Variants in KAT6B observed in about 807,000 individuals in gnomAD.
KAT6B encodes the protein lysine acetyltransferase 6B.
Under a neutral mutation model 187.5 loss-of-function variants are expected in KAT6B, and 10 were observed. The observed-to-expected ratio is 0.05, with a 90% CI of 0.03 to 0.09. The LOEUF (loss-of-function observed/expected upper bound fraction) is 0.09. Ranked by LOEUF, KAT6B falls within the 10% of genes least tolerant of loss-of-function variation. The probability of loss-of-function intolerance (pLI) is 1.00; values close to 1 mark genes in which losing one functional copy is unlikely to be tolerated. For missense variants in KAT6B, 1,952 were observed against 2,558.9 expected, an observed-to-expected ratio of 0.76 and a Z score of 5.12; for synonymous variants, 861 against 926.8, an observed-to-expected ratio of 0.93 and a Z score of 1.29.
chr10:75,009,241 T>G (rs1021113959), intron 13 of KAT6B, among the ~76,000 whole-genome samples: 1 of 152,230 alleles, frequency 6.6e-6, no homozygotes, highest in African/African-American at 2.4e-5. Context: ...TTACGTAGTT[T>G]GTGGTTCTTG....
chr10:75,030,185 G>A lies in KAT6B; in HGVS notation c.5361G>A (p.Thr1787=), dbSNP rs772935542. 5.0e-6 allele frequency: 8 copies of A among 1,614,186 alleles called. No individual in the cohort carries two copies. The highest frequency in any genetic ancestry group is 1.6e-4 in the Middle Eastern group (1 of 6,062). The change falls in exon 18 of 18, where the codon ACG becomes ACA. Residue 1787 remains threonine, a synonymous_variant. Coordinates refer to ENST00000287239, the MANE Select transcript of KAT6B (RefSeq NM_012330.4). The surrounding 1 kb of genome is among the most constrained non-coding windows in gnomAD (Gnocchi z 4.8). ...TGCAGCTGGCTGAAATCCCCGAGAC[G>A]AGCAACGCCAACATTGGCTTATACG... ...PPMQLAEIPE[T]SNANIGLYER...
At chr10:75,022,821 A>C (rs1389836520) in intron 16 of KAT6B, among the ~76,000 whole-genome samples, 1 of 152,108 alleles carries the variant, frequency 6.6e-6, no homozygotes, top group Non-Finnish European at 1.5e-5. Context: ...AATCCCAGCT[A>C]CTCGGGAGGC....
At chr10:74,851,949 G>C (rs930413272) in intron 3 of KAT6B, among the ~76,000 whole-genome samples, 1 of 152,068 alleles carries the variant, frequency 6.6e-6, no homozygotes, top group Non-Finnish European at 1.5e-5. Context: ...CCCTGCCCTA[G>C]AGCAGACCCT....
chr10:74,982,790 G>A (rs1016701083), intron 11 of KAT6B: 2 of 152,262 alleles, frequency 1.3e-5, no homozygotes, highest in African/African-American at 4.8e-5. Context: ...CTTGAAACAA[G>A]CCTACCTTGT....
intron 3 of KAT6B, among the ~76,000 whole-genome samples, chr10:74,852,698 C>T (rs571202002): frequency 6.6e-6 from 1 of 152,294 alleles, no homozygotes; most frequent in South Asian, 2.1e-4. Context: ...ATGAAATGGG[C>T]TTCAGGTAAA....
intron 13 of KAT6B, among the ~76,000 whole-genome samples, chr10:74,993,056 G>A (rs536400566): frequency 1.8e-4 from 28 of 151,994 alleles, no homozygotes; most frequent in South Asian, 2.1e-4. Flanking sequence ...CTCTCCCTCC[G>A]TCCCCACCAG....
chr10:74,939,822 A>G (rs1316280818), intron 3 of KAT6B, among the ~76,000 whole-genome samples: 1 of 152,234 alleles, frequency 6.6e-6, no homozygotes, highest in Non-Finnish European at 1.5e-5. Context: ...AACCTGTCGC[A>G]ATTTAAAATG....
chr10:74,864,015 T>A (rs999157133), intron 3 of KAT6B, among the ~76,000 whole-genome samples: 1 of 152,198 alleles, frequency 6.6e-6, no homozygotes, highest in Admixed American at 6.5e-5. Context: ...ATGTATTCAG[T>A]GCTTATATTT....
chr10:74,979,726 T>G (rs1419299687), intron 10 of KAT6B, among the ~76,000 whole-genome samples: 2 of 152,206 alleles, frequency 1.3e-5, no homozygotes, highest in Admixed American at 1.3e-4. Flanking sequence ...GGCCTGTTAC[T>G]TTTATCTCTG....
chr10:74,908,613 G>C (rs908426828), intron 3 of KAT6B, among the ~76,000 whole-genome samples: 5 of 151,722 alleles, frequency 3.3e-5, no homozygotes, highest in Non-Finnish European at 7.4e-5. Flanking sequence ...CTAGTTTCAG[G>C]CATTCTGTTA....
chr10:75,023,258 C>T (rs1845574372), intron 16 of KAT6B, among the ~76,000 whole-genome samples: 1 of 152,210 alleles, frequency 6.6e-6, no homozygotes, highest in East Asian at 1.9e-4. Flanking sequence ...CAAGCTAAGG[C>T]TCCGCCCCAA....
chr10:74,880,226 C>A (rs932802708), intron 3 of KAT6B, among the ~76,000 whole-genome samples: 1 of 152,176 alleles, frequency 6.6e-6, no homozygotes, highest in Non-Finnish European at 1.5e-5. Context: ...GCATCACTGC[C>A]CATTTCCTGC....
chr10:74,830,744 A>ATATATATATATATATG (rs1840706054), intron 1 of KAT6B, among the ~76,000 whole-genome samples: 1 of 15,044 alleles, frequency 6.6e-5, no homozygotes, highest in African/African-American at 7.1e-4. Flanking sequence ...ATATATATAT[A>ATATATATATATATATG]TATATATATA....
At chr10:74,863,217 T>A (rs1843314248) in intron 3 of KAT6B, among the ~76,000 whole-genome samples, 1 of 152,196 alleles carries the variant, frequency 6.6e-6, no homozygotes, top group African/African-American at 2.4e-5. Flanking sequence ...CATGTAAATA[T>A]GTATGCTATA....
chr10:74,891,944 G>A (rs1845669525), intron 3 of KAT6B, among the ~76,000 whole-genome samples: 1 of 152,208 alleles, frequency 6.6e-6, no homozygotes, highest in South Asian at 2.1e-4. Context: ...ACCTTCTGCT[G>A]TGGAAGCCAG....
At chr10:75,004,708 C>A (rs1255354394) in intron 13 of KAT6B, among the ~76,000 whole-genome samples, 1 of 152,132 alleles carries the variant, frequency 6.6e-6, no homozygotes, top group Non-Finnish European at 1.5e-5. Context: ...TTTTTCCTTG[C>A]TTTTCTTTTT....
chr10:74,923,178 T>TTGGGCC (rs1848260734), intron 3 of KAT6B, among the ~76,000 whole-genome samples: 2 of 152,200 alleles, frequency 1.3e-5, no homozygotes, highest in Non-Finnish European at 2.9e-5. Context: ...ACTTTATCAA[T>TTGGGCC]GAGTCATGGG....
intron 3 of KAT6B, among the ~76,000 whole-genome samples, chr10:74,852,522 G>A (rs1173232203): frequency 2.0e-5 from 3 of 152,224 alleles, no homozygotes; most frequent in African/African-American, 7.2e-5. Flanking sequence ...GGTAGTACCA[G>A]TTGTTGAGAC....
chr10:74,832,940 TG>T (rs1178742458), intron 1 of KAT6B, among the ~76,000 whole-genome samples: 1 of 151,548 alleles, frequency 6.6e-6, no homozygotes, highest in Non-Finnish European at 1.5e-5. Context: ...CTGGCCAACA[TG>T]GTAAAACCCC....
Sources: gnomAD v4.1 joint callset for allele counts (sites outside exome capture counted in the v4.1 genomes callset) on GRCh38, gnomAD v4.1.1 for gene constraint, Gnocchi (gnomAD v3.1) non-coding constraint, MANE v1.5 for transcripts, NCBI Gene and HGNC (gene_info 2026-07-23, HGNC 2026-07-21) for gene names.